Variants in TMEM117 observed in about 807,000 individuals in gnomAD.
The protein encoded by TMEM117 is transmembrane protein 117.
In TMEM117, 27 loss-of-function variants were observed where a neutral mutation model predicts 52.4. The ratio of observed to expected loss-of-function variants is 0.51; its 90% CI spans 0.38 to 0.71. The LOEUF is 0.71. TMEM117 is among the 30% of genes least tolerant of loss of function. The pLI is 0.00. For missense variants in TMEM117, 556 were observed against 630.5 expected, an observed-to-expected ratio of 0.88 and a Z score of 1.26; for synonymous variants, 215 against 206.3, an observed-to-expected ratio of 1.04 and a Z score of -0.36.
intron 2 of TMEM117, among the ~76,000 whole-genome samples, chr12:43,861,869 T>G (rs1057500906): frequency 1.3e-5 from 2 of 152,166 alleles, no homozygotes. Context: ...AATATACAAT[T>G]GTGGTCGGTC....
At chr12:44,275,176 G>A (rs1023048046) in intron 5 of TMEM117, among the ~76,000 whole-genome samples, 9 of 152,178 alleles carry the variant, frequency 5.9e-5, no homozygotes, top group African/African-American at 2.2e-4. Flanking sequence ...ACATGCAAAT[G>A]GCAAACAGGC....
rs559255481 is a variant in TMEM117 at position 44,116,436 on chromosome 12, C to T, written c.411-27089C>T. Reference sequence around the variant, plus strand: ...ACTTCTAGCCTGAATATTTTTGTATCTTTCTCTCAATCTCAGATTATGGCC... The same window carrying T: ...ACTTCTAGCCTGAATATTTTTGTATTTTTCTCTCAATCTCAGATTATGGCC... On this transcript the variant is annotated intron_variant, in intron 3 of 7. Transcript: ENST00000266534. 1.8e-4 allele frequency among the ~76,000 whole-genome samples: 27 copies of T among 152,082 alleles called. No individual in the cohort carries two copies. The South Asian group carries it at 5.4e-3, about 30-fold the overall frequency.
At chr12:43,866,833 G>A (rs1222168572) in intron 2 of TMEM117, among the ~76,000 whole-genome samples, 1 of 152,206 alleles carries the variant, frequency 6.6e-6, no homozygotes, top group African/African-American at 2.4e-5. Flanking sequence ...GCTTACGCCT[G>A]TAATCCCAAC....
chr12:44,329,558 G>T (rs180783712), intron 6 of TMEM117, among the ~76,000 whole-genome samples: 42 of 152,156 alleles, frequency 2.8e-4, no homozygotes, highest in African/African-American at 1.0e-3. Context: ...TTTAAAAAGT[G>T]TCAGAATATT....
intron 2 of TMEM117, among the ~76,000 whole-genome samples, chr12:43,853,182 G>A (rs74775231): frequency 6.6e-6 from 1 of 152,144 alleles, no homozygotes; most frequent in South Asian, 2.1e-4. Flanking sequence ...TTAATTTTCA[G>A]TGCCTAAAAC....
chr12:44,203,113 G>A (rs1408083563), intron 4 of TMEM117, among the ~76,000 whole-genome samples: 1 of 151,890 alleles, frequency 6.6e-6, no homozygotes, highest in African/African-American at 2.4e-5. Flanking sequence ...TGTTGTTGTT[G>A]TTGTTGTTAC....
chr12:43,979,923 A>G (rs79729074), intron 3 of TMEM117, among the ~76,000 whole-genome samples: 78 of 152,312 alleles, frequency 5.1e-4, no homozygotes, highest in East Asian at 3.5e-3. Flanking sequence ...AGTGACCTCA[A>G]TTAACCCTCT....
In TMEM117 at chr12:44,251,867, C is replaced by T. The variant is rs76821299; in HGVS notation, c.608+40480C>T. ...TCTTAAAATGTGGATTGGATCAGAT[C>T]ACTCTTAGAAACTGTTACTATCTTA... is the stretch of plus-strand genomic sequence containing the variant. On this transcript the variant is annotated intron_variant, in intron 5 of 7. Coordinates refer to ENST00000266534, the MANE Select transcript of TMEM117 (RefSeq NM_032256.3). Among the ~76,000 whole-genome samples the T allele has an allele frequency of 6.5e-4, 99 of 152,286 alleles. No individual in the cohort carries two copies. The East Asian group carries it at 0.016, about 25-fold the overall frequency.
chr12:44,049,879 T>G (rs920533963), intron 3 of TMEM117, among the ~76,000 whole-genome samples: 5 of 152,234 alleles, frequency 3.3e-5, no homozygotes, highest in Non-Finnish European at 7.3e-5. Flanking sequence ...TCTACCACTT[T>G]GCAAATAACA....
At chr12:44,364,328 T>C (rs1395357927) in intron 6 of TMEM117, among the ~76,000 whole-genome samples, 1 of 152,178 alleles carries the variant, frequency 6.6e-6, no homozygotes, top group African/African-American at 2.4e-5. Flanking sequence ...CATAAAATTA[T>C]TTTCTGATAA....
At chr12:44,097,880 T>A (rs140318530) in intron 3 of TMEM117, among the ~76,000 whole-genome samples, 7 of 151,638 alleles carry the variant, frequency 4.6e-5, no homozygotes, top group Non-Finnish European at 1.0e-4. Context: ...TAAAATAAAA[T>A]AAAAATACAG....
the TMEM117 span, among the ~76,000 whole-genome samples, chr12:43,820,133 GT>G: frequency 6.7e-6 from 1 of 150,292 alleles, no homozygotes; most frequent in Non-Finnish European, 1.5e-5. Flanking sequence ...TTTTGTTTTT[GT>G]TTTTGCCAAG....
At chr12:44,175,059 G>A (rs1350911216) in intron 4 of TMEM117, among the ~76,000 whole-genome samples, 2 of 152,166 alleles carry the variant, frequency 1.3e-5, no homozygotes, top group African/African-American at 4.8e-5. Context: ...TGAAGGACCA[G>A]GCTTTACAGA....
chr12:43,870,795 T>C (rs1035251734), intron 2 of TMEM117, among the ~76,000 whole-genome samples: 1 of 152,116 alleles, frequency 6.6e-6, no homozygotes, highest in South Asian at 2.1e-4. Context: ...GCTTTTGTTT[T>C]CTTTTTGAGA....
At chr12:44,387,752 T>C (rs1351749167) in intron 7 of TMEM117, among the ~76,000 whole-genome samples, 1 of 152,128 alleles carries the variant, frequency 6.6e-6, no homozygotes, top group Non-Finnish European at 1.5e-5. Context: ...CTGTGGTGCC[T>C]ATAAAACAAG....
rs547536519 is a variant in TMEM117 at position 44,336,711 on chromosome 12, G to T, written c.768+36972G>T. 1.9e-4 allele frequency among the ~76,000 whole-genome samples: 28 copies of T among 150,770 alleles called. No individual in the cohort carries two copies. In the South Asian group the frequency reaches 2.7e-3, roughly 15 times the overall value. On this transcript the variant is annotated intron_variant, in intron 6 of 7. Coordinates refer to ENST00000266534, the MANE Select transcript of TMEM117 (RefSeq NM_032256.3). ...GCCTGTTTTAAAAAAAACCATAGGG[G>T]TTTTTTTTTGGAAAGCTATATATGT...
intron 3 of TMEM117, among the ~76,000 whole-genome samples, chr12:43,995,175 G>A (rs1319413983): frequency 2.0e-5 from 3 of 152,026 alleles, no homozygotes; most frequent in Admixed American, 2.0e-4. Flanking sequence ...GGAGGCTGAG[G>A]GAGGGGAATT....
chr12:43,840,838 G>A (rs1173474960), intron 1 of TMEM117, among the ~76,000 whole-genome samples: 1 of 152,150 alleles, frequency 6.6e-6, no homozygotes, highest in Non-Finnish European at 1.5e-5. Flanking sequence ...TGTGCCCTGT[G>A]TAACATAGTC....
intron 2 of TMEM117, among the ~76,000 whole-genome samples, chr12:43,888,725 T>C (rs1944046392): frequency 6.6e-6 from 1 of 151,786 alleles, no homozygotes; most frequent in African/African-American, 2.4e-5. Flanking sequence ...TTTTTTTGTA[T>C]TTTTAGTAGA....
Sources: gnomAD v4.1 joint callset for allele counts (sites outside exome capture counted in the v4.1 genomes callset) on GRCh38, gnomAD v4.1.1 for gene constraint, MANE v1.5 for transcripts, NCBI Gene and HGNC (gene_info 2026-07-23, HGNC 2026-07-21) for gene names.